ADGRF5: variants seen among roughly 807,000 people sequenced by gnomAD.
The protein encoded by ADGRF5 is G-protein coupled receptor 116.
Under a neutral mutation model 132.3 loss-of-function variants are expected in ADGRF5, and 75 were observed. The observed-to-expected ratio is 0.57, with a 90% confidence interval of 0.47 to 0.69. The LOEUF is 0.69. Among genes scored for constraint, ADGRF5 ranks in the 30% least tolerant of loss-of-function variants. The probability of loss-of-function intolerance (pLI) is 0.00; values close to 1 mark genes in which losing one functional copy is unlikely to be tolerated. For synonymous variants in ADGRF5, 629 were observed against 597.6 expected (o/e 1.05, Z -0.77); for missense variants, 1,516 against 1,630.6 (o/e 0.93, Z 1.21).
At chr6:46,907,355 TTTTTA>T (rs1246635104) in intron 1 of ADGRF5, among the ~76,000 whole-genome samples, 2 of 152,014 alleles carry the variant, frequency 1.3e-5, no homozygotes, top group Non-Finnish European at 2.9e-5. Flanking sequence ...CATTGAGTTC[TTTTTA>T]TTTTATTTAT....
chr6:46,928,351 C>T (rs916683587), intron 1 of ADGRF5, among the ~76,000 whole-genome samples: 1 of 152,058 alleles, frequency 6.6e-6, no homozygotes, highest in Non-Finnish European at 1.5e-5. Context: ...TGAATTTCAC[C>T]ACACACCCAG....
chr6:46,855,468 G>A (rs368740155), intron 20 of ADGRF5, among the ~76,000 whole-genome samples: 6 of 152,252 alleles, frequency 3.9e-5, no homozygotes, highest in East Asian at 3.9e-4. Flanking sequence ...GATCCCTTAC[G>A]TAATGCATGC....
In ADGRF5 at chr6:46,878,999, T is replaced by C. The variant is rs1222022482; in HGVS notation, c.1037-594A>G. 3.3e-5 allele frequency among the ~76,000 whole-genome samples: 5 copies of C among 152,126 alleles called. No individual in the cohort carries two copies. The East Asian group carries it at 9.7e-4, about 29-fold the overall frequency. On this transcript the variant is annotated intron_variant, in intron 9 of 20. Transcript: ENST00000283296. ...GGGATAACAGTGGAGAACCAGAAAA[T>C]TTGGTGAGGGCAGGGAGAACGATGG... is the stretch of plus-strand genomic sequence containing the variant.
rs182757623 is a variant in ADGRF5, at chr6:46,949,836, G to C, written c.-25+4898C>G. ...AGCACAAGAAGTAACCCATAATTTA[G>C]TTAAAGAGTAACCCAAGAAGAGTGG... On this transcript the variant is annotated intron_variant, in intron 1 of 20. Transcript: ENST00000265417. Among the ~76,000 whole-genome samples, 25 of 152,304 alleles carry C rather than the reference G, an allele frequency of 1.6e-4. No individual in the cohort carries two copies. The East Asian group carries it at 4.6e-3, about 28-fold the overall frequency.
chr6:46,940,395 C>A (rs796091770), intron 1 of ADGRF5, among the ~76,000 whole-genome samples: 16 of 152,332 alleles, frequency 1.1e-4, no homozygotes, highest in African/African-American at 3.8e-4. Context: ...CATAGGGCCT[C>A]TTCTTCCCTA....
chr6:46,896,136 G>A (rs375443244), intron 3 of ADGRF5, among the ~76,000 whole-genome samples: 22 of 152,012 alleles, frequency 1.4e-4, no homozygotes, highest in African/African-American at 3.9e-4. Flanking sequence ...TAATTTCTTC[G>A]TGTAATTTAT....
At chr6:46,939,243 T>G (rs1448867029) in intron 1 of ADGRF5, among the ~76,000 whole-genome samples, 2 of 152,164 alleles carry the variant, frequency 1.3e-5, no homozygotes, top group Non-Finnish European at 2.9e-5. Flanking sequence ...CTCTTCTACC[T>G]GTGGGGCAGG....
chr6:46,865,199 T>C lies in ADGRF5; in HGVS notation c.1835-2A>G. The C allele has an allele frequency of 6.2e-7, 1 of 1,603,554 alleles. No individual in the cohort carries two copies. Among genetic ancestry groups the C allele is most frequent in the East Asian group, 2.2e-5 (1 of 44,810 alleles). ...CTTGTTTTTTGTTAACTTCTTTTGC[T>C]GAAGACAGAATTATTGAAAGAATTA... On this transcript the variant is annotated splice_acceptor_variant, in intron 13 of 20. Coordinates refer to ENST00000283296, the MANE Select transcript of ADGRF5 (RefSeq NM_001098518.2). LOFTEE classifies it high-confidence loss of function.
intron 10 of ADGRF5, among the ~76,000 whole-genome samples, chr6:46,872,414 A>G (rs1771180000): frequency 6.6e-6 from 1 of 152,198 alleles, no homozygotes; most frequent in African/African-American, 2.4e-5. Flanking sequence ...TTTGAATGTG[A>G]ACAATAAAAA....
chr6:46,932,419 G>A (rs983134536), intron 1 of ADGRF5, among the ~76,000 whole-genome samples: 1 of 152,090 alleles, frequency 6.6e-6, no homozygotes, highest in Non-Finnish European at 1.5e-5. Context: ...TCAGTTGGTA[G>A]GATATATACT....
chr6:46,870,316 C>A (rs901566036), intron 11 of ADGRF5, among the ~76,000 whole-genome samples: 3 of 152,078 alleles, frequency 2.0e-5, no homozygotes, highest in Non-Finnish European at 2.9e-5. Flanking sequence ...CCATGCCTGG[C>A]TAATTTTATT....
chr6:46,872,011 T>A lies in ADGRF5; in HGVS notation c.1243A>T (p.Thr415Ser), dbSNP rs749237971. Reference protein sequence around the residue: ...KQEGKINIPGTPETDIDSSCS... With the variant: ...KQEGKINIPGSPETDIDSSCS... ...CTAGAATCTATGTCTGTCTCAGGGG[T>A]TCCTATAATGAGAAGCAAATTGTTG... Residue 415 changes from threonine (T) to serine (S), a missense_variant and splice_region_variant, in exon 11 of 21, where the codon ACC becomes TCC. Transcript: ENST00000283296. The A allele has an allele frequency of 1.3e-6, 2 of 1,591,958 alleles. No homozygotes were observed. The highest frequency in any genetic ancestry group is 3.4e-5 in the Admixed American group (2 of 59,138).
intron 1 of ADGRF5, among the ~76,000 whole-genome samples, chr6:46,917,025 TAAC>T (rs1436191015): frequency 1.3e-5 from 2 of 152,248 alleles, no homozygotes; most frequent in African/African-American, 4.8e-5. Flanking sequence ...ATTCATTTGG[TAAC>T]AACAATTACT....
intron 1 of ADGRF5, among the ~76,000 whole-genome samples, chr6:46,952,204 A>G (rs928694392): frequency 1.3e-4 from 20 of 152,324 alleles, no homozygotes; most frequent in African/African-American, 4.8e-4. Context: ...ACTGACTTCA[A>G]GCTTTAAGCT....
Position 46,878,281 on chromosome 6 carries a change from T to C in ADGRF5, c.1161A>G (p.Val387=), listed in dbSNP as rs780330331. 2 of 1,613,900 alleles carry C rather than the reference T, an allele frequency of 1.2e-6. No individual in the cohort carries two copies. The highest frequency in any genetic ancestry group is 1.1e-5 in the South Asian group (1 of 91,074). The change falls in exon 10 of 21, where the codon GTA becomes GTG. Residue 387 remains valine, a synonymous_variant. Coordinates refer to ENST00000283296, the MANE Select transcript of ADGRF5 (RefSeq NM_001098518.2). ...EMKVMCDNNP[V]SLNCCSQGNV... Reference sequence around the variant, plus strand: ...TACCCTGACTGCAGCAGTTCAAAGATACAGGATTGTTGTCGCACATCACCT... The same window carrying C: ...TACCCTGACTGCAGCAGTTCAAAGACACAGGATTGTTGTCGCACATCACCT...
At chr6:46,887,606 G>A (rs778666215) in intron 4 of ADGRF5, among the ~76,000 whole-genome samples, 26 of 152,134 alleles carry the variant, frequency 1.7e-4, no homozygotes, top group African/African-American at 4.8e-4. Context: ...TGAAATATGC[G>A]AATTCAAGAA....
chr6:46,930,111 G>A (rs888304811), intron 1 of ADGRF5, among the ~76,000 whole-genome samples: 3 of 152,156 alleles, frequency 2.0e-5, no homozygotes, highest in Non-Finnish European at 4.4e-5. Context: ...GTGAGCCACC[G>A]CGCCCAGCCT....
intron 2 of ADGRF5, among the ~76,000 whole-genome samples, chr6:46,900,622 G>A (rs1306050283): frequency 2.6e-5 from 4 of 152,152 alleles, no homozygotes; most frequent in Non-Finnish European, 5.9e-5. Flanking sequence ...TAGGAACTAA[G>A]AAAGCCTGCT....
At position 46,853,760 on chromosome 6, in the gene ADGRF5, C is replaced by G. The variant is rs910738133; in HGVS notation, c.*232G>C. 4 of 372,254 alleles carry G rather than the reference C, an allele frequency of 1.1e-5. No individual in the cohort carries two copies. The highest frequency in any genetic ancestry group is 5.1e-5 in the Admixed American group (1 of 19,616). The allele number at this position is 372,254 out of a possible 1,614,324, so 23.1% of individuals were successfully genotyped here. A position where few individuals can be genotyped will look rare whatever the true frequency, so the allele number is the denominator to read the frequency against. ...TGAGGGCTTGAGTTTCACTTAAATACTATACACATGTGGTATCACACAAGG... is the reference window on the plus strand; with the variant it reads ...TGAGGGCTTGAGTTTCACTTAAATAGTATACACATGTGGTATCACACAAGG... On this transcript the variant is annotated 3_prime_UTR_variant, in exon 21 of 21. Coordinates refer to ENST00000283296, the MANE Select transcript of ADGRF5 (RefSeq NM_001098518.2).
Sources: allele counts gnomAD v4.1 joint callset (sites outside exome capture counted in the v4.1 genomes callset), GRCh38; gene constraint gnomAD v4.1.1; transcripts MANE v1.5; gene names NCBI Gene and HGNC (gene_info 2026-07-23, HGNC 2026-07-21).